Variants in GNAO1 observed in about 807,000 individuals in gnomAD.
GNAO1 encodes guanine nucleotide-binding protein G(o) subunit alpha.
For missense variants in GNAO1, 166 were observed against 478.7 expected (o/e 0.35, Z 6.10); for synonymous variants, 164 against 180.7 (o/e 0.91, Z 0.74).
intron 2 of GNAO1, among the ~76,000 whole-genome samples, chr16:56,197,467 C>G (rs1240433410): frequency 1.3e-5 from 2 of 152,248 alleles, no homozygotes; most frequent in East Asian, 3.8e-4. Flanking sequence ...GCTGTAAATA[C>G]CAGCAGACCT....
At chr16:56,199,043 T>C (rs2036258919) in intron 2 of GNAO1, among the ~76,000 whole-genome samples, 1 of 152,216 alleles carries the variant, frequency 6.6e-6, no homozygotes, top group Admixed American at 6.5e-5. Flanking sequence ...CTCGGTTTCC[T>C]GAAAGAGTTG....
At chr16:56,342,285 A>G (rs867360392) in intron 6 of GNAO1, among the ~76,000 whole-genome samples, 93 of 152,028 alleles carry the variant, frequency 6.1e-4, no homozygotes, top group African/African-American at 1.8e-3. Flanking sequence ...ACACTCCCCA[A>G]CCTCCAGCCC....
At chr16:56,349,044 G>A (rs2037898610) in intron 6 of GNAO1, among the ~76,000 whole-genome samples, 1 of 152,212 alleles carries the variant, frequency 6.6e-6, no homozygotes, top group Non-Finnish European at 1.5e-5. Flanking sequence ...ACAGATGCCA[G>A]GCAGTACTGA....
In GNAO1 at chr16:56,328,715, C is replaced by A. The variant is rs539662922; in HGVS notation, c.388C>A (p.Arg130=). ...FSAELLSAMM[R]LWGDSGIQEC... ...TGCAGAGCTGCTTTCTGCCATGATG[C>A]GGCTCTGGGGCGACTCAGGAATCCA... The change falls in exon 4 of 9, where the codon CGG becomes AGG. Residue 130 remains arginine, a synonymous_variant. Transcript: ENST00000262493. The A allele has an allele frequency of 5.0e-6, 8 of 1,614,186 alleles. No individual in the cohort carries two copies. The East Asian group carries it at 1.6e-4, about 31-fold the overall frequency.
At chr16:56,198,295 T>C (rs1474880591) in intron 2 of GNAO1, among the ~76,000 whole-genome samples, 7 of 152,252 alleles carry the variant, frequency 4.6e-5, no homozygotes, top group African/African-American at 1.4e-4. Flanking sequence ...CAAATCTGTG[T>C]CACATTCTTA....
At chr16:56,269,001 C>T (rs1487271200) in intron 2 of GNAO1, among the ~76,000 whole-genome samples, 5 of 152,176 alleles carry the variant, frequency 3.3e-5, no homozygotes, top group Admixed American at 6.5e-5. Flanking sequence ...CCATTACTGC[C>T]GAGATCTCCC....
chr16:56,284,427 G>T (rs984447707), intron 3 of GNAO1, among the ~76,000 whole-genome samples: 7 of 152,198 alleles, frequency 4.6e-5, no homozygotes, highest in Non-Finnish European at 7.3e-5. Flanking sequence ...CTGGTACTTT[G>T]GCCCAGGATG....
At chr16:56,317,589 T>G (rs2037524988) in intron 3 of GNAO1, among the ~76,000 whole-genome samples, 1 of 151,406 alleles carries the variant, frequency 6.6e-6, no homozygotes, top group Non-Finnish European at 1.5e-5. Context: ...GGGATGGTGG[T>G]GGGTTGGAAG....
intron 3 of GNAO1, among the ~76,000 whole-genome samples, chr16:56,285,381 C>T (rs1466279118): frequency 4.6e-5 from 7 of 152,122 alleles, no homozygotes; most frequent in African/African-American, 1.7e-4. Context: ...CCAAGAGCCA[C>T]CCCATTGCAG....
At chr16:56,347,327 C>T in intron 6 of GNAO1, 3 of 985,488 alleles carry the variant, frequency 3.0e-6, no homozygotes, top group Non-Finnish European at 3.6e-6. Context: ...AGGCAGTCAC[C>T]CCCAGGCAGT....
chr16:56,255,997 G>A (rs1368646500), intron 2 of GNAO1, among the ~76,000 whole-genome samples: 1 of 152,144 alleles, frequency 6.6e-6, no homozygotes, highest in African/African-American at 2.4e-5. Flanking sequence ...TGTTCTGCTT[G>A]AGTTTTCATT....
chr16:56,248,056 A>G (rs2036765820), intron 2 of GNAO1, among the ~76,000 whole-genome samples: 1 of 152,226 alleles, frequency 6.6e-6, no homozygotes, highest in Admixed American at 6.5e-5. Context: ...CTGTTGGCCC[A>G]GTCTCAACTG....
intron 2 of GNAO1, among the ~76,000 whole-genome samples, chr16:56,254,995 C>T (rs941724544): frequency 9.8e-5 from 15 of 152,304 alleles, no homozygotes; most frequent in Admixed American, 2.0e-4. Flanking sequence ...TGGGATGAGA[C>T]GTTAAAATTG....
At chr16:56,223,079 T>C (rs1350695059) in intron 2 of GNAO1, among the ~76,000 whole-genome samples, 1 of 152,202 alleles carries the variant, frequency 6.6e-6, no homozygotes, top group Non-Finnish European at 1.5e-5. Flanking sequence ...ATAAGATGTA[T>C]TGTTTTACAG....
chr16:56,312,027 C>T (rs1465753552), intron 3 of GNAO1, among the ~76,000 whole-genome samples: 2 of 152,180 alleles, frequency 1.3e-5, no homozygotes, highest in Non-Finnish European at 2.9e-5. Flanking sequence ...TCCCAGGGGC[C>T]AGCCTTCCCT....
intron 3 of GNAO1, among the ~76,000 whole-genome samples, chr16:56,322,700 C>T (rs1043181241): frequency 2.2e-4 from 34 of 152,018 alleles, no homozygotes; most frequent in African/African-American, 8.2e-4. Context: ...GGCTGTGGCA[C>T]AAGAGGAGGT....
chr16:56,228,920 T>C (rs183611230), intron 2 of GNAO1, among the ~76,000 whole-genome samples: 1 of 152,396 alleles, frequency 6.6e-6, no homozygotes, highest in Non-Finnish European at 1.5e-5. Context: ...TTTGTTGTTA[T>C]ACATGTTTGT....
Position 56,252,845 on chromosome 16 carries a change from T to G in GNAO1, c.162-23086T>G, listed in dbSNP as rs554650632. On this transcript the variant is annotated intron_variant, in intron 2 of 8. Transcript: ENST00000262493. The stretch of plus-strand genomic sequence containing the variant: ...TGTCTTCAGTGCAGACATGCCCTGT[T>G]GCCCTTGAGTGCATTGGCCTGTCCC... 3.9e-5 allele frequency among the ~76,000 whole-genome samples: 6 copies of G among 152,260 alleles called. No individual in the cohort carries two copies. In the East Asian group the frequency reaches 7.7e-4, roughly 20 times the overall value.
At chr16:56,214,161 ATGT>A (rs1273743168) in intron 2 of GNAO1, among the ~76,000 whole-genome samples, 2 of 152,150 alleles carry the variant, frequency 1.3e-5, no homozygotes, top group African/African-American at 4.8e-5. Flanking sequence ...AACACTGAAC[ATGT>A]TGGGCTGCCT....
Sources: allele counts gnomAD v4.1 joint callset (sites outside exome capture counted in the v4.1 genomes callset), GRCh38; gene constraint gnomAD v4.1.1; transcripts MANE v1.5; gene names NCBI Gene and HGNC (gene_info 2026-07-23, HGNC 2026-07-21).